The following PPM1F variants were observed in gnomAD, a reference collection of about 807,000 sequenced individuals.
The protein encoded by PPM1F is protein phosphatase, Mg2+/Mn2+ dependent 1F, also known as protein phosphatase 1F.
Under a neutral mutation model 35.5 loss-of-function variants are expected in PPM1F, and 17 were observed. The observed-to-expected ratio is 0.48, with a 90% CI of 0.33 to 0.72. The LOEUF (loss-of-function observed/expected upper bound fraction) is 0.72. Among genes scored for constraint, PPM1F ranks in the 30% least tolerant of loss-of-function variants. PPM1F has a pLI of 0.02. For missense variants in PPM1F, 521 were observed against 613.0 expected (o/e 0.85, Z 1.59); for synonymous variants, 241 against 255.5 (o/e 0.94, Z 0.54).
At chr22:21,952,540 C>G (rs1243135376) in intron 1 of PPM1F, 1 of 136,690 alleles carries the variant, frequency 7.3e-6, no homozygotes, top group Admixed American at 7.3e-5. Flanking sequence ...GGCTCCCCAG[C>G]CCCCCAACTC....
intron 1 of PPM1F, chr22:21,947,621 G>A (rs2070790179): frequency 6.6e-6 from 1 of 152,294 alleles, no homozygotes; most frequent in East Asian, 1.9e-4. Flanking sequence ...ACCTTCATGA[G>A]GACTTCCAGG....
intron 7 of PPM1F, chr22:21,925,026 T>TA (rs2070495153): frequency 6.4e-6 from 1 of 156,154 alleles, no homozygotes; most frequent in Non-Finnish European, 1.4e-5. Context: ...GCCTTCTGAA[T>TA]AGCTGGAATT....
chr22:21,948,280 A>T (rs2070796778), intron 1 of PPM1F: 1 of 148,082 alleles, frequency 6.8e-6, no homozygotes, highest in African/African-American at 2.5e-5. Context: ...GTTCAAGACC[A>T]GCCTGGGCAG....
chr22:21,942,630 A>G (rs1254330771), intron 2 of PPM1F: 1 of 152,232 alleles, frequency 6.6e-6, no homozygotes, highest in Non-Finnish European at 1.5e-5. Flanking sequence ...GCCAGGCCTC[A>G]GCTTCCTGCC....
intron 2 of PPM1F, among the ~76,000 whole-genome samples, chr22:21,940,881 A>G (rs568089508): frequency 2.5e-4 from 38 of 152,264 alleles, no homozygotes; most frequent in African/African-American, 8.7e-4. Flanking sequence ...ACAGGGAAGC[A>G]CTGCCATTGG....
rs1301040765 is a variant in PPM1F at position 21,945,923 on chromosome 22, C to G, written c.126G>C (p.Trp42Cys). The change falls in exon 2 of 8, where the codon TGG (tryptophan) becomes TGC (cysteine). Residue 42 changes from tryptophan to cysteine, a missense_variant. Coordinates refer to ENST00000263212, the MANE Select transcript of PPM1F (RefSeq NM_014634.4). The stretch of plus-strand genomic sequence containing the variant: ...GGCTGAGCACCGTCCCTGGGGCCTT[C>G]CATGGCAGAGGGTCCTCTGGGTTCA... ...ALLNPEDPLP[W>C]KAPGTVLSQE... 6.2e-7 allele frequency: 1 copy of G among 1,612,880 alleles called. No homozygotes were observed. Among genetic ancestry groups the G allele is most frequent in the Non-Finnish European group, 8.5e-7 (1 of 1,179,616 alleles).
Position 21,933,582 on chromosome 22 carries a change from G to A in PPM1F, c.559-3C>T. The A allele has an allele frequency of 6.2e-7, 1 of 1,606,108 alleles. No individual in the cohort carries two copies. The highest frequency in any genetic ancestry group is 1.1e-5 in the South Asian group (1 of 90,918). ...AAGTAGGCGCGGTTCACAGGGTCCTGGTGGGGATGTGGTGGGAGTCACAGA... is the reference window on the plus strand; with the variant it reads ...AAGTAGGCGCGGTTCACAGGGTCCTAGTGGGGATGTGGTGGGAGTCACAGA... On this transcript the variant is annotated splice_region_variant and splice_polypyrimidine_tract_variant and intron_variant, in intron 4 of 7. Transcript: ENST00000263212.
Position 21,919,883 on chromosome 22 carries a change from G to A in PPM1F, c.*3209C>T, listed in dbSNP as rs147024085. 2.0e-4 allele frequency: 30 copies of A among 152,516 alleles called. No individual in the cohort carries two copies. The highest frequency in any genetic ancestry group is 7.2e-4 in the African/African-American group (30 of 41,598). 9.4% of individuals were successfully genotyped at this position (152,516 alleles called of 1,614,324 possible). ...CCACGCTGGGCTCACCATAGGAGAGGAGAGGAGAGGGAGGGGGCCCCATAC... is the reference window on the plus strand; with the variant it reads ...CCACGCTGGGCTCACCATAGGAGAGAAGAGGAGAGGGAGGGGGCCCCATAC... On this transcript the variant is annotated 3_prime_UTR_variant, in exon 8 of 8. Transcript: ENST00000263212.
rs1391155178 is a variant in PPM1F, at chr22:21,939,980, A to T, written c.207-300T>A. On this transcript the variant is annotated intron_variant, in intron 2 of 7. Transcript: ENST00000263212. The surrounding 1 kb of genome is among the most constrained non-coding windows in gnomAD (Gnocchi z 5.1). ...CCACAGGAGGGCAGAGGAATCACCC[A>T]TGCCAGCTGGGGACCCTGGGGGGTG... Among the ~76,000 whole-genome samples, 1 of 152,150 alleles carries T rather than the reference A, an allele frequency of 6.6e-6. No individual in the cohort carries two copies. The highest frequency in any genetic ancestry group is 1.5e-5 in the Non-Finnish European group (1 of 68,016).
chr22:21,937,965 A>T, intron 3 of PPM1F: 1 of 664,252 alleles, frequency 1.5e-6, no homozygotes, highest in Non-Finnish European at 2.1e-6. Flanking sequence ...TACAATCCCC[A>T]CTCTGACGCA....
intron 6 of PPM1F, chr22:21,926,132 CTTT>C (rs917204354): frequency 2.3e-4 from 30 of 131,434 alleles, no homozygotes; most frequent in Admixed American, 5.4e-4. Flanking sequence ...CCGCCCAGTT[CTTT>C]TTTTTTTTTT....
intron 1 of PPM1F, chr22:21,946,856 C>T (rs7293040): frequency 0.03 from 4,527 of 152,390 alleles, 213 homozygotes; most frequent in African/African-American, 0.1. Context: ...CAGTTCCAGG[C>T]GCTGACCCCA....
chr22:21,933,761 T>C (rs530951234), intron 4 of PPM1F, among the ~76,000 whole-genome samples, 182 bp from the exon 5 acceptor site: 1 of 152,322 alleles, frequency 6.6e-6, no homozygotes, highest in East Asian at 1.9e-4. Flanking sequence ...TTTCACCATC[T>C]GTTATGAGTT....
chr22:21,945,333 C>T (rs1327087097), intron 2 of PPM1F: 1 of 153,358 alleles, frequency 6.5e-6, no homozygotes, highest in Non-Finnish European at 1.5e-5. Context: ...ACCCCATTCT[C>T]CACAAAAAGA....
At chr22:21,923,656 C>T (rs9607401) in intron 7 of PPM1F, among the ~76,000 whole-genome samples, 185 bp from the exon 8 acceptor site, 15,904 of 151,996 alleles carry the variant, frequency 0.1, 902 homozygotes, top group Non-Finnish European at 0.12. Context: ...ACGGAAACCC[C>T]TGACCTTGGC....
chr22:21,931,615 T>C (rs5995257), intron 5 of PPM1F, among the ~76,000 whole-genome samples: 63,848 of 151,700 alleles, frequency 0.42, 13,802 homozygotes, highest in Middle Eastern at 0.5. Context: ...CGGGTTCAAG[T>C]GATTCTCCTG....
At chr22:21,927,273 G>C (rs1224334609) in intron 6 of PPM1F, among the ~76,000 whole-genome samples, 1 of 152,214 alleles carries the variant, frequency 6.6e-6, no homozygotes, top group Admixed American at 6.5e-5. Context: ...GATGAACACA[G>C]AGTACGCACG....
chr22:21,925,596 C>G lies in PPM1F; in HGVS notation c.958G>C (p.Gly320Arg). 6.2e-7 allele frequency: 1 copy of G among 1,613,668 alleles called. No homozygotes were observed. The highest frequency in any genetic ancestry group is 8.5e-7 in the Non-Finnish European group (1 of 1,179,716). Residue 320 changes from glycine to arginine, a missense_variant, in exon 7 of 8, where the codon GGG becomes CGG. Transcript: ENST00000263212. Reference protein sequence around the residue: ...VSHMDCWRVNGTLAVSRAIGD... With the variant: ...VSHMDCWRVNRTLAVSRAIGD... The stretch of plus-strand genomic sequence containing the variant: ...ATGGCTCTGGAGACGGCCAGGGTCC[C>G]GTTGACTCTCCAGCAGTCCATGTGA...
At chr22:21,951,625 G>C (rs988928704) in intron 1 of PPM1F, 2 of 152,142 alleles carry the variant, frequency 1.3e-5, no homozygotes, top group Admixed American at 6.5e-5. Flanking sequence ...GGGATTACAG[G>C]TATGAGCCAC....
Sources: allele counts gnomAD v4.1 joint callset (sites outside exome capture counted in the v4.1 genomes callset), GRCh38; gene constraint gnomAD v4.1.1; non-coding constraint Gnocchi (gnomAD v3.1); transcripts MANE v1.5; gene names NCBI Gene and HGNC (gene_info 2026-07-23, HGNC 2026-07-21).